Variants in ZBTB40 observed in about 807,000 individuals in gnomAD.
The protein encoded by ZBTB40 is zinc finger and BTB domain-containing protein 40.
A neutral mutation model predicts 117.5 loss-of-function variants in ZBTB40; 60 were observed. That is an observed-to-expected ratio of 0.51 (90% CI 0.41 to 0.63). The LOEUF is 0.63. Ranked by LOEUF, ZBTB40 falls within the 30% of genes least tolerant of loss-of-function variation. The probability of loss-of-function intolerance (pLI) is 0.00; values close to 1 mark genes in which losing one functional copy is unlikely to be tolerated. For missense variants in ZBTB40, 1,287 were observed against 1,498.5 expected (o/e 0.86, Z 2.33); for synonymous variants, 525 against 577.1 (o/e 0.91, Z 1.29).
intron 1 of ZBTB40, among the ~76,000 whole-genome samples, chr1:22,483,078 C>CAAA (rs35793167): frequency 1.5e-5 from 2 of 129,122 alleles, no homozygotes; most frequent in Admixed American, 7.5e-5. Context: ...GACTCCGTCT[C>CAAA]AAAAAAAAAA....
At chr1:22,442,107 T>A (rs1002029573) in intron 1 of ZBTB40, among the ~76,000 whole-genome samples, 2 of 152,228 alleles carry the variant, frequency 1.3e-5, no homozygotes, top group African/African-American at 4.8e-5. Context: ...GACTTCTAAC[T>A]TCATTCCATT....
At chr1:22,526,158 C>G in intron 17 of ZBTB40, 44 bp from the exon 18 acceptor site, 1 of 1,608,532 alleles carries the variant, frequency 6.2e-7, no homozygotes, top group African/African-American at 1.3e-5. Flanking sequence ...AGGGAGCCAA[C>G]TGTGAACACT....
At chr1:22,514,515 TCCAGGA>T (rs1477149041) in intron 12 of ZBTB40, among the ~76,000 whole-genome samples, 1 of 152,164 alleles carries the variant, frequency 6.6e-6, no homozygotes, top group Non-Finnish European at 1.5e-5. Context: ...AGGCACCTGC[TCCAGGA>T]CCTTTATTCT....
chr1:22,508,747 T>G lies in ZBTB40; in HGVS notation c.1699+16T>G, dbSNP rs1352125191. ...TTCCGGGCAGGTAAGTTACCTGCCC[T>G]CTGGGGGGGTTTTGCCCCCACTAGA... On this transcript the variant is annotated intron_variant, in intron 8 of 17. Transcript: ENST00000375647. 1.2e-6 allele frequency: 2 copies of G among 1,610,616 alleles called. No individual in the cohort carries two copies. The highest frequency in any genetic ancestry group is 2.7e-5 in the African/African-American group (2 of 74,778).
At chr1:22,467,640 A>G (rs558446049) in intron 1 of ZBTB40, among the ~76,000 whole-genome samples, 109 of 151,980 alleles carry the variant, frequency 7.2e-4, no homozygotes, top group Admixed American at 2.6e-3. Context: ...ACACCTGGCT[A>G]ATTTTTGTAT....
In ZBTB40 at chr1:22,502,415, G is replaced by C; in HGVS notation, c.1141G>C (p.Glu381Gln). Residue 381 changes from glutamate (E) to glutamine (Q), a missense_variant, in exon 5 of 18, where the codon GAA (glutamate) becomes CAA (glutamine). Physicochemically the swap from Glu to Gln is conservative, Grantham distance 29. Coordinates refer to ENST00000375647, the MANE Select transcript of ZBTB40 (RefSeq NM_014870.4). ...GGAGTCCCTGGAAACAGCCAAGGAG[G>C]AATTCCTGACTGGCACTGAAAAAAG... ...IMESLETAKEEFLTGTEKRVI... is the reference protein window; with the variant it reads ...IMESLETAKEQFLTGTEKRVI... 2 of 1,614,080 alleles carry C rather than the reference G, an allele frequency of 1.2e-6. No individual in the cohort carries two copies.
chr1:22,447,708 C>A (rs187463052), upstream of ZBTB40, among the ~76,000 whole-genome samples: 212 of 152,306 alleles, frequency 1.4e-3, no homozygotes, highest in African/African-American at 4.9e-3. Context: ...CCTGCTGGAG[C>A]AAGGCAGTCT....
chr1:22,478,677 A>G (rs1396419555), intron 1 of ZBTB40, among the ~76,000 whole-genome samples: 1 of 152,350 alleles, frequency 6.6e-6, no homozygotes. Context: ...AGCACTCATT[A>G]TGTGGTAGCT....
At chr1:22,476,885 C>T (rs1480943598) in intron 1 of ZBTB40, among the ~76,000 whole-genome samples, 1 of 152,186 alleles carries the variant, frequency 6.6e-6, no homozygotes, top group African/African-American at 2.4e-5. Context: ...CCTGAGTCTA[C>T]AGGACTTCGA....
intron 1 of ZBTB40, among the ~76,000 whole-genome samples, chr1:22,458,616 G>A (rs765512496): frequency 2.0e-5 from 3 of 152,200 alleles, no homozygotes; most frequent in African/African-American, 4.8e-5. Flanking sequence ...CTTGAGATGT[G>A]TAGTCAGATA....
At chr1:22,475,996 A>G (rs933911827) in intron 1 of ZBTB40, among the ~76,000 whole-genome samples, 2 of 152,214 alleles carry the variant, frequency 1.3e-5, no homozygotes, top group Non-Finnish European at 2.9e-5. Flanking sequence ...CTTACCCTCT[A>G]GTAGTAGCGG....
intron 1 of ZBTB40, among the ~76,000 whole-genome samples, chr1:22,466,797 A>G (rs1641268015): frequency 6.6e-6 from 1 of 151,296 alleles, no homozygotes; most frequent in African/African-American, 2.4e-5. Context: ...CACTATATGT[A>G]TTCTGAATAC....
intron 16 of ZBTB40, among the ~76,000 whole-genome samples, chr1:22,523,333 A>G (rs1418152685): frequency 3.3e-5 from 5 of 152,136 alleles, no homozygotes; most frequent in Non-Finnish European, 7.4e-5. Context: ...TAGAATTTCT[A>G]CGTTATTCTA....
intron 1 of ZBTB40, among the ~76,000 whole-genome samples, chr1:22,460,833 T>C (rs1314432491): frequency 1.3e-5 from 2 of 152,228 alleles, no homozygotes; most frequent in East Asian, 3.8e-4. Flanking sequence ...TATAGTATTA[T>C]AGAAGACTCT....
Position 22,489,876 on chromosome 1 carries a change from C to G in ZBTB40, c.-69-4C>G, listed in dbSNP as rs116173605. On this transcript the variant is annotated splice_region_variant and splice_polypyrimidine_tract_variant and intron_variant, in intron 1 of 17. Coordinates refer to ENST00000375647, the MANE Select transcript of ZBTB40 (RefSeq NM_014870.4). ...TTAACCTGGTATTTTGTGGGTTTCT[C>G]TAGGGCCTGTCCTCCCAAAGCCAAC... The G allele has an allele frequency of 1.9e-3, 2,732 of 1,474,256 alleles. 32 individuals carry two copies. The African/African-American group carries it at 0.032, about 17-fold the overall frequency. 91.3% of individuals were successfully genotyped at this position (1,474,256 alleles called of 1,614,324 possible).
chr1:22,486,568 A>G (rs1638473635), intron 1 of ZBTB40, among the ~76,000 whole-genome samples: 1 of 152,182 alleles, frequency 6.6e-6, no homozygotes, highest in Admixed American at 6.5e-5. Context: ...GGTAAAGCTC[A>G]CAGAAGTGTT....
intron 1 of ZBTB40, among the ~76,000 whole-genome samples, chr1:22,433,055 T>C (rs1640618242): frequency 6.6e-6 from 1 of 152,150 alleles, no homozygotes; most frequent in Admixed American, 6.6e-5. Context: ...TTCTGTATCC[T>C]TGGGTTCCAC....
chr1:22,487,788 C>T (rs992514122), intron 1 of ZBTB40, among the ~76,000 whole-genome samples: 1 of 152,090 alleles, frequency 6.6e-6, no homozygotes. Flanking sequence ...TGCTTAAAGC[C>T]TTTCAAATGC....
Position 22,511,952 on chromosome 1 carries a change from T to C in ZBTB40, c.2279T>C (p.Val760Ala). ...RLKVHMKRCR[V>A]AKSKQVQCKE... ...AAGGTGCACATGAAGCGCTGCCGGGTGGCTAAGAGCAAACAGGTGCAGTGT... is the reference window on the plus strand; with the variant it reads ...AAGGTGCACATGAAGCGCTGCCGGGCGGCTAAGAGCAAACAGGTGCAGTGT... Residue 760 changes from valine (V) to alanine (A), a missense_variant, in exon 11 of 18, where the codon GTG becomes GCG. Coordinates refer to ENST00000375647, the MANE Select transcript of ZBTB40 (RefSeq NM_014870.4). 1 of 1,614,150 alleles carries C rather than the reference T, an allele frequency of 6.2e-7. No individual in the cohort carries two copies. The highest frequency in any genetic ancestry group is 8.5e-7 in the Non-Finnish European group (1 of 1,180,038).
Sources: gnomAD v4.1 joint callset for allele counts (sites outside exome capture counted in the v4.1 genomes callset) on GRCh38, gnomAD v4.1.1 for gene constraint, MANE v1.5 for transcripts, NCBI Gene and HGNC (gene_info 2026-07-23, HGNC 2026-07-21) for gene names.